Variants in EMC1 observed in about 807,000 individuals in gnomAD.
The protein encoded by EMC1 is ER membrane protein complex subunit 1.
Under a neutral mutation model 128.8 loss-of-function variants are expected in EMC1, and 103 were observed. That is an observed-to-expected ratio of 0.80 (90% CI 0.68 to 0.94). The LOEUF is 0.94. Among genes scored for constraint, EMC1 ranks in the 40% least tolerant of loss-of-function variants. The pLI is 0.00. For synonymous variants in EMC1, 442 were observed against 490.4 expected, an observed-to-expected ratio of 0.90 and a Z score of 1.30; for missense variants, 1,083 against 1,250.6, an observed-to-expected ratio of 0.87 and a Z score of 2.02.
chr1:19,233,076 A>T lies in EMC1; in HGVS notation c.1492T>A (p.Trp498Arg). 1.2e-6 allele frequency: 2 copies of T among 1,614,224 alleles called. No homozygotes were observed. The highest frequency in any genetic ancestry group is 1.7e-6 in the Non-Finnish European group (2 of 1,180,044). The change falls in exon 14 of 23, where the codon TGG becomes AGG. Residue 498 changes from tryptophan to arginine, a missense_variant. Coordinates refer to ENST00000477853, the MANE Select transcript of EMC1 (RefSeq NM_015047.3). ...AACATTTTCCAGAGGTGGGAAGTCC[A>T]TGCTTGCAGCAGGATAAGCTGAGAC... ...LSSQLILLQA[W>R]TSHLWKMFYD...
intron 6 of EMC1, 175 bp downstream of exon 6, chr1:19,240,841 T>C (rs2093601353): frequency 1.4e-6 from 1 of 703,574 alleles, no homozygotes; most frequent in Non-Finnish European, 2.4e-6. Flanking sequence ...CACATGCAAA[T>C]ATGAGTACTT....
chr1:19,238,911 C>A lies in EMC1; in HGVS notation c.1027-54G>T, dbSNP rs149989144. The A allele has an allele frequency of 9.4e-5, 115 of 1,229,534 alleles. No individual in the cohort carries two copies. The East Asian group carries it at 2.6e-3, about 27-fold the overall frequency. 76.2% of individuals were successfully genotyped at this position (1,229,534 alleles called of 1,614,324 possible). On this transcript the variant is annotated intron_variant, in intron 9 of 22. Transcript: ENST00000477853. Reference sequence around the variant, plus strand: ...TTCAGCCAAAGGGTCACTTCCCAGTCACTGAAATGAAGCTTTTGTTTTTGT... The same window carrying A: ...TTCAGCCAAAGGGTCACTTCCCAGTAACTGAAATGAAGCTTTTGTTTTTGT...
chr1:19,243,529 A>G, intron 4 of EMC1, 85 bp downstream of exon 4: 1 of 1,286,576 alleles, frequency 7.8e-7, no homozygotes, highest in Non-Finnish European at 1.1e-6. Context: ...GGAAAAAGCC[A>G]AAAGCCCAGA....
intron 18 of EMC1, 45 bp downstream of exon 18, chr1:19,227,268 G>A: frequency 6.2e-7 from 1 of 1,609,596 alleles, no homozygotes; most frequent in South Asian, 1.1e-5. Flanking sequence ...TTGTTTTCCT[G>A]ATTCGAAAGC....
chr1:19,223,400 A>G lies in EMC1; in HGVS notation c.2372T>C (p.Val791Ala). The change falls in exon 19 of 23, where the codon GTG (valine) becomes GCG (alanine). Residue 791 changes from valine to alanine, a missense_variant. By Grantham distance (64) the Val-to-Ala change is moderately conservative. Transcript: ENST00000477853. ...PVHIVHSENW[V>A]VYQYWNTKAR... ...TCCCTGGTAGTGACCGCTTACCACC[A>G]CCCAGTTCTCTGAATGCACGATATG... The G allele has an allele frequency of 1.2e-6, 2 of 1,613,858 alleles. No individual in the cohort carries two copies. The highest frequency in any genetic ancestry group is 1.7e-6 in the Non-Finnish European group (2 of 1,179,840).
chr1:19,237,289 TGA>T, intron 11 of EMC1, 51 bp from the exon 12 acceptor site: 1 of 1,327,192 alleles, frequency 7.5e-7, no homozygotes, highest in Non-Finnish European at 1.1e-6. Flanking sequence ...CAAATGCCTC[TGA>T]GAGCACCAGA....
At chr1:19,235,975 T>C (rs1206215490) in intron 12 of EMC1, among the ~76,000 whole-genome samples, 1 of 152,166 alleles carries the variant, frequency 6.6e-6, no homozygotes, top group Non-Finnish European at 1.5e-5. Context: ...CAGGGATTAC[T>C]ACAAGCTCTT....
chr1:19,219,247 T>A lies in EMC1; in HGVS notation c.*56A>T. On this transcript the variant is annotated 3_prime_UTR_variant, in exon 23 of 23. Transcript: ENST00000477853. ...CAATCCACCAAACTGCAGCTGTAGC[T>A]GCTTATCTGACCCACACTCCCCTGG... 1 of 1,576,844 alleles carries A rather than the reference T, an allele frequency of 6.3e-7. No homozygotes were observed.
Position 19,224,157 on chromosome 1 carries a change from C to T in EMC1, c.2203-588G>A, listed in dbSNP as rs549055252. ...GTCTCTTTTGGAGGTTCTTCCACAT[C>T]TCCCCAGTTTCTTCATGGTGGAACA... On this transcript the variant is annotated intron_variant, in intron 18 of 22. Coordinates refer to ENST00000477853, the MANE Select transcript of EMC1 (RefSeq NM_015047.3). Among the ~76,000 whole-genome samples, 3 of 152,346 alleles carry T rather than the reference C, an allele frequency of 2.0e-5. No homozygotes were observed. The South Asian group carries it at 6.2e-4, about 32-fold the overall frequency.
chr1:19,236,857 A>G (rs982772052), intron 12 of EMC1, among the ~76,000 whole-genome samples: 1 of 150,824 alleles, frequency 6.6e-6, no homozygotes, highest in Admixed American at 6.6e-5. Context: ...AATCCCAGCT[A>G]CTCAGGAGGC....
In EMC1 at chr1:19,238,897, G is replaced by C; in HGVS notation, c.1027-40C>G. The C allele has an allele frequency of 2.9e-6, 4 of 1,358,066 alleles. No homozygotes were observed. In the African/African-American group the frequency reaches 5.9e-5, roughly 20 times the overall value. The allele number at this position is 1,358,066 out of a possible 1,614,324, so 84.1% of individuals were successfully genotyped here. ...AGGACAGGAGAAAATTCAGCCAAAG[G>C]GTCACTTCCCAGTCACTGAAATGAA... On this transcript the variant is annotated intron_variant, in intron 9 of 22. Transcript: ENST00000477853.
In EMC1 at chr1:19,219,383, C is replaced by T. The variant is rs775293691; in HGVS notation, c.2902G>A (p.Val968Ile). Residue 968 changes from valine to isoleucine, a missense_variant, in exon 23 of 23, where the codon GTC (valine) becomes ATC (isoleucine). By Grantham distance (29) the Val-to-Ile change is conservative. This residue lies in a region of EMC1 where 527 missense variants were observed against 644.1 expected (regional missense o/e 0.82). Transcript: ENST00000477853. ...GTGGCAAAAACCAGGCCAAAGAGGA[C>T]GCTGCTGATTAACACGTAGTCATAG... ...DDYDYVLISS[V>I]LFGLVFATMI... is the part of the protein sequence containing the mutation. The T allele has an allele frequency of 9.9e-6, 16 of 1,614,032 alleles. No homozygotes were observed. Among genetic ancestry groups the T allele is most frequent in the Non-Finnish European group, 1.1e-5 (13 of 1,180,014 alleles).
intron 18 of EMC1, among the ~76,000 whole-genome samples, chr1:19,224,996 T>C (rs2093461251): frequency 6.6e-6 from 1 of 152,206 alleles, no homozygotes; most frequent in African/African-American, 2.4e-5. Context: ...AGCCCCTCCT[T>C]AGCCACCCGA....
At chr1:19,245,819 G>A (rs1161912189) in intron 1 of EMC1, among the ~76,000 whole-genome samples, 1 of 151,480 alleles carries the variant, frequency 6.6e-6, no homozygotes, top group Non-Finnish European at 1.5e-5. Context: ...TAGACATGGG[G>A]TTTCACCATG....
chr1:19,220,869 G>A lies in EMC1; in HGVS notation c.2588-21C>T, dbSNP rs200388533. The A allele has an allele frequency of 2.2e-4, 335 of 1,553,974 alleles. 1 individual carries two copies. The East Asian group carries it at 6.8e-3, about 32-fold the overall frequency. ...TCCAACTACACAGGAGGAAGTGAAT[G>A]TTCACACCGATCCAGTGTCCAGCAA... On this transcript the variant is annotated intron_variant, in intron 20 of 22. Transcript: ENST00000477853.
intron 17 of EMC1, among the ~76,000 whole-genome samples, chr1:19,230,319 C>T (rs1179241220): frequency 6.6e-6 from 1 of 152,190 alleles, no homozygotes; most frequent in Non-Finnish European, 1.5e-5. Flanking sequence ...GCCTGTAATC[C>T]CAGCACTTTG....
chr1:19,219,114 A>G lies in EMC1; in HGVS notation c.*189T>C. On this transcript the variant is annotated 3_prime_UTR_variant, in exon 23 of 23. Coordinates refer to ENST00000477853, the MANE Select transcript of EMC1 (RefSeq NM_015047.3). The stretch of plus-strand genomic sequence containing the variant: ...AGCTGAGAGAGTTCTGTCTCTCTCC[A>G]TGTAGGATCCTTTCTGCATCATGTA... 1.7e-6 allele frequency: 1 copy of G among 588,222 alleles called. No individual in the cohort carries two copies. Among genetic ancestry groups the G allele is most frequent in the Non-Finnish European group, 3.0e-6 (1 of 331,280 alleles). The allele number at this position is 588,222 out of a possible 1,614,324, so 36.4% of individuals were successfully genotyped here. A position where few individuals can be genotyped will look rare whatever the true frequency, so the allele number is the denominator to read the frequency against.
Position 19,219,559 on chromosome 1 carries a change from C to T in EMC1, c.2802+10G>A, listed in dbSNP as rs1330865114. ...AAGGGTGAAATAGGGCAGCTGTGGG[C>T]TCTACTCACCAAACAAGTGGACTCC... On this transcript the variant is annotated intron_variant, in intron 22 of 22. Transcript: ENST00000477853. 1 of 1,613,958 alleles carries T rather than the reference C, an allele frequency of 6.2e-7. No individual in the cohort carries two copies. The highest frequency in any genetic ancestry group is 1.3e-5 in the African/African-American group (1 of 74,902).
At position 19,220,848 on chromosome 1, in the gene EMC1, A is replaced by G. The variant is rs765739409; in HGVS notation, c.2588T>C (p.Ile863Thr). ...ERGITSRHLL[I>T]GLPSGAILSL... ...AAGAATTGCTCCAGAAGGTAGTCCA[A>G]CTACACAGGAGGAAGTGAATGTTCA... The change falls in exon 21 of 23, where the codon ATT (isoleucine) becomes ACT (threonine). Residue 863 changes from isoleucine to threonine, a missense_variant and splice_region_variant. Ile to Thr is a moderately conservative substitution (Grantham distance 89). Coordinates refer to ENST00000477853, the MANE Select transcript of EMC1 (RefSeq NM_015047.3). 3.1e-6 allele frequency: 5 copies of G among 1,611,478 alleles called. No individual in the cohort carries two copies. The highest frequency in any genetic ancestry group is 2.7e-5 in the African/African-American group (2 of 74,842).
Sources: gnomAD v4.1 joint callset for allele counts (sites outside exome capture counted in the v4.1 genomes callset) on GRCh38, gnomAD v4.1.1 for gene constraint, gnomAD v4.1.1 regional missense constraint, MANE v1.5 for transcripts, NCBI Gene and HGNC (gene_info 2026-07-23, HGNC 2026-07-21) for gene names.